Variants in FANCD2OS observed in about 807,000 individuals in gnomAD.
FANCD2OS encodes the protein FANCD2 opposite strand protein.
FANCD2OS carries 11 observed loss-of-function variants against 13.2 expected under a neutral mutation model. That is an observed-to-expected ratio of 0.83 (90% CI 0.52 to 1.38). The LOEUF is 1.38. Ranked by LOEUF, FANCD2OS falls within the 40% of genes most tolerant of loss-of-function variation. FANCD2OS has a pLI of 0.00. For missense variants in FANCD2OS, 217 were observed against 213.9 expected (o/e 1.01, Z -0.09); for synonymous variants, 69 against 84.5 (o/e 0.82, Z 1.01).
At chr3:10,092,344 C>G in intron 2 of FANCD2OS, 2 of 962,316 alleles carry the variant, frequency 2.1e-6, no homozygotes, top group East Asian at 2.4e-5. Flanking sequence ...GCTCCTCTTC[C>G]CACTCTTCCT....
downstream of FANCD2OS, chr3:10,099,229 A>G (rs947280173): frequency 3.3e-5 from 44 of 1,341,866 alleles, no homozygotes; most frequent in Middle Eastern, 2.9e-4. Flanking sequence ...GCCAAAGCAC[A>G]GAGTCAGAAG....
chr3:10,085,947 A>G, intron 2 of FANCD2OS: 1 of 1,495,516 alleles, frequency 6.7e-7, no homozygotes, highest in Non-Finnish European at 9.3e-7. Flanking sequence ...CATAGCCAAG[A>G]TTGTTGTCCC....
At chr3:10,087,690 C>T (rs866707895) in intron 2 of FANCD2OS, among the ~76,000 whole-genome samples, 2 of 152,030 alleles carry the variant, frequency 1.3e-5, no homozygotes, top group Non-Finnish European at 2.9e-5. Flanking sequence ...TTCTGTCACC[C>T]AGGCTGGAGT....
chr3:10,106,911 G>T (rs1278810822), intron 1 of FANCD2OS, among the ~76,000 whole-genome samples: 5 of 151,912 alleles, frequency 3.3e-5, no homozygotes, highest in Non-Finnish European at 7.4e-5. Context: ...TCTCAAAAAA[G>T]AAAAAAACGT....
At chr3:10,086,773 C>T (rs979312972) in intron 2 of FANCD2OS, among the ~76,000 whole-genome samples, 13 of 152,174 alleles carry the variant, frequency 8.5e-5, no homozygotes, top group Admixed American at 1.3e-4. Flanking sequence ...TCACCATGCC[C>T]GGCCTGTGAA....
intron 2 of FANCD2OS, chr3:10,095,117 G>T: frequency 1.7e-6 from 2 of 1,180,116 alleles, no homozygotes; most frequent in Non-Finnish European, 2.5e-6. Flanking sequence ...TATCCTCTTT[G>T]GAGCTTTTGA....
chr3:10,095,449 G>GA lies in FANCD2OS; in HGVS notation c.*43+8748dup, dbSNP rs35844573. 6.2e-3 allele frequency: 3,947 copies of GA among 633,004 alleles called. 100 individuals are homozygous for GA. Among genetic ancestry groups the GA allele is most frequent in the Non-Finnish European group, 2.9e-3 (1,017 of 349,832 alleles). The allele number at this position is 633,004 out of a possible 1,614,324, so 39.2% of individuals were successfully genotyped here. On this transcript the variant is annotated intron_variant, in intron 2 of 2. Coordinates refer to the FANCD2OS transcript ENST00000524279. ...CTCCTTGAGATTGGGCAGTCCTCTA[G>GA]AGGGGAATCTCCGCATCTGAAATTT...
chr3:10,104,850 T>C lies in FANCD2OS; in HGVS notation c.-8-68A>G, dbSNP rs1171939819. 17 of 1,389,848 alleles carry C rather than the reference T, an allele frequency of 1.2e-5. No individual in the cohort carries two copies. The East Asian group carries it at 3.7e-4, about 30-fold the overall frequency. 86.1% of individuals were successfully genotyped at this position (1,389,848 alleles called of 1,614,324 possible). A position where few individuals can be genotyped will look rare whatever the true frequency, so the allele number is the denominator to read the frequency against. Reference sequence around the variant, plus strand: ...TTTCATGAGAGCATGGCCTTTCAAATTCCCATCTCTGTCTCACTATAGACA... The same window carrying C: ...TTTCATGAGAGCATGGCCTTTCAAACTCCCATCTCTGTCTCACTATAGACA... On this transcript the variant is annotated intron_variant, in intron 1 of 1. Coordinates refer to ENST00000450660, the MANE Select transcript of FANCD2OS (RefSeq NM_001164839.2).
At chr3:10,089,420 C>T (rs35497255) in intron 2 of FANCD2OS, among the ~76,000 whole-genome samples, 2,356 of 152,234 alleles carry the variant, frequency 0.015, 35 homozygotes, top group Middle Eastern at 0.034. Flanking sequence ...GTTATGCATT[C>T]CTTTCAAGGG....
Position 10,104,435 on chromosome 3 carries a change from A to C in FANCD2OS, c.340T>G (p.Trp114Gly), listed in dbSNP as rs575485356. ...TCTGAAACTCTGAAAGTCCCGGTCC[A>C]CTTTGGTGGCTGAGCTGTGATAACC... ...GRVITAQPPK[W>G]TGTFRVSDKS... The change falls in exon 2 of 2, where the codon TGG becomes GGG. Residue 114 changes from tryptophan (W) to glycine (G), a missense_variant. Coordinates refer to ENST00000450660, the MANE Select transcript of FANCD2OS (RefSeq NM_001164839.2). 6.2e-7 allele frequency: 1 copy of C among 1,614,158 alleles called. No homozygotes were observed. The highest frequency in any genetic ancestry group is 8.5e-7 in the Non-Finnish European group (1 of 1,180,034).
intron 2 of FANCD2OS, among the ~76,000 whole-genome samples, chr3:10,085,379 T>G (rs1694120404): frequency 6.6e-6 from 1 of 150,982 alleles, no homozygotes; most frequent in African/African-American, 2.4e-5. Context: ...TTCAATTCTT[T>G]TTTCTTTTTT....
downstream of FANCD2OS, chr3:10,101,188 G>A (rs759546582): frequency 9.9e-6 from 16 of 1,611,614 alleles, no homozygotes; most frequent in Non-Finnish European, 1.4e-5. Context: ...TGCCCCTTAG[G>A]ATGGTGAAGA....
At chr3:10,096,493 G>A (rs778966201) in intron 2 of FANCD2OS, 5 of 1,612,602 alleles carry the variant, frequency 3.1e-6, no homozygotes, top group Non-Finnish European at 8.5e-7. Context: ...GATCCTGCTA[G>A]TGATAATCCC....
chr3:10,087,631 T>C (rs1317415930), intron 2 of FANCD2OS, among the ~76,000 whole-genome samples: 1 of 151,944 alleles, frequency 6.6e-6, no homozygotes, highest in East Asian at 1.9e-4. Context: ...ATAAAAGAAA[T>C]ACTGGCCTCT....
chr3:10,101,064 T>TAA, downstream of FANCD2OS: 3 of 701,944 alleles, frequency 4.3e-6, no homozygotes, highest in Non-Finnish European at 7.2e-6. Flanking sequence ...CAAGACTCCT[T>TAA]TAAAAAAAAA....
At chr3:10,107,592 G>A (rs1324495950) in intron 1 of FANCD2OS, among the ~76,000 whole-genome samples, 2 of 151,616 alleles carry the variant, frequency 1.3e-5, no homozygotes, top group Non-Finnish European at 2.9e-5. Flanking sequence ...GGGCCCCCCG[G>A]ATCCTTTTCT....
chr3:10,102,567 G>A (rs2125107466), downstream of FANCD2OS, among the ~76,000 whole-genome samples: 1 of 151,908 alleles, frequency 6.6e-6, no homozygotes, highest in East Asian at 1.9e-4. Context: ...GCTCGCGCCT[G>A]TAATCCCAGC....
chr3:10,097,691 A>G (rs915276444), intron 2 of FANCD2OS, among the ~76,000 whole-genome samples: 1 of 152,192 alleles, frequency 6.6e-6, no homozygotes, highest in East Asian at 1.9e-4. Flanking sequence ...TCCTGAGACT[A>G]TATACCTCCT....
intron 2 of FANCD2OS, chr3:10,083,732 C>G (rs1693989702): frequency 6.6e-6 from 1 of 151,446 alleles, no homozygotes; most frequent in South Asian, 2.1e-4. Context: ...ACTAAAAATA[C>G]AAAAAATTAG....
Sources: allele counts gnomAD v4.1 joint callset (sites outside exome capture counted in the v4.1 genomes callset), GRCh38; gene constraint gnomAD v4.1.1; transcripts MANE v1.5; gene names NCBI Gene and HGNC (gene_info 2026-07-23, HGNC 2026-07-21).